CCDC7: variants seen among roughly 807,000 people sequenced by gnomAD.
CCDC7 encodes the protein coiled-coil domain containing 7.
CCDC7 carries 183 observed loss-of-function variants against 196.9 expected under a neutral mutation model. The observed-to-expected ratio is 0.93, with a 90% CI of 0.82 to 1.05. The LOEUF (loss-of-function observed/expected upper bound fraction) is 1.05. CCDC7 is among the 50% of genes least tolerant of loss of function. The probability of loss-of-function intolerance (pLI) is 0.00; values close to 1 mark genes in which losing one functional copy is unlikely to be tolerated. For missense variants in CCDC7, 1,540 were observed against 1,482.2 expected (o/e 1.04, Z -0.64); for synonymous variants, 525 against 484.6 (o/e 1.08, Z -1.10).
At chr10:32,641,073 G>T (rs2066709571) in intron 20 of CCDC7, among the ~76,000 whole-genome samples, 1 of 151,940 alleles carries the variant, frequency 6.6e-6, no homozygotes, top group Non-Finnish European at 1.5e-5. Flanking sequence ...TTTCTGTCTG[G>T]CTGCCCTTAA....
intron 20 of CCDC7, among the ~76,000 whole-genome samples, chr10:32,639,629 G>GTT (rs552548575): frequency 0.083 from 11,027 of 133,180 alleles, 625 homozygotes; most frequent in East Asian, 0.3. Flanking sequence ...TTTCTGTTCT[G>GTT]TTTTTTTTTT....
At chr10:32,630,318 A>ATG (rs2064671627) in intron 18 of CCDC7, among the ~76,000 whole-genome samples, 3 of 150,666 alleles carry the variant, frequency 2.0e-5, no homozygotes, top group Admixed American at 6.6e-5. Context: ...TACCATATAT[A>ATG]TGTGTGTGTG....
In CCDC7 at chr10:32,824,530, G is replaced by A. The variant is rs772981905; in HGVS notation, c.3194G>A (p.Arg1065Gln). The change falls in exon 32 of 42, where the codon CGA becomes CAA. Residue 1065 changes from arginine (R) to glutamine (Q), a missense_variant. Arg to Gln is a conservative substitution (Grantham distance 43). Transcript: ENST00000639629. ...TACTTTTTTATAGAGACTGATGAAC[G>A]ATTGCATAGTACAACTGAGAGAGGT... 11 of 1,606,396 alleles carry A rather than the reference G, an allele frequency of 6.8e-6. No individual in the cohort carries two copies. The Admixed American group carries it at 1.2e-4, about 17-fold the overall frequency.
intron 41 of CCDC7, among the ~76,000 whole-genome samples, chr10:32,865,432 C>CAT (rs59815547): frequency 4.2e-5 from 6 of 142,320 alleles, no homozygotes; most frequent in Non-Finnish European, 9.3e-5. Context: ...CACACACACA[C>CAT]GAGAATGGCT....
chr10:32,614,393 A>G (rs1255705688), intron 18 of CCDC7, among the ~76,000 whole-genome samples: 1 of 151,838 alleles, frequency 6.6e-6, no homozygotes, highest in Non-Finnish European at 1.5e-5. Flanking sequence ...TTGACTCCTT[A>G]TCTAACTTGC....
intron 5 of CCDC7, among the ~76,000 whole-genome samples, chr10:32,467,431 G>A (rs1251438502): frequency 2.0e-5 from 3 of 151,628 alleles, no homozygotes; most frequent in Non-Finnish European, 4.4e-5. Flanking sequence ...GTTTAATGGT[G>A]TTGTTTGTTT....
intron 20 of CCDC7, among the ~76,000 whole-genome samples, chr10:32,643,667 CT>C (rs1178991003): frequency 2.0e-5 from 3 of 151,464 alleles, no homozygotes; most frequent in Non-Finnish European, 2.9e-5. Flanking sequence ...AATGTTTAAA[CT>C]TTTTAAAAAA....
At chr10:32,800,808 T>C (rs1454584775) in intron 29 of CCDC7, among the ~76,000 whole-genome samples, 1 of 152,212 alleles carries the variant, frequency 6.6e-6, no homozygotes, top group Non-Finnish European at 1.5e-5. Flanking sequence ...GGGTCCATGA[T>C]TCTGTCTTTA....
chr10:32,833,211 A>G (rs2092351057), intron 32 of CCDC7, among the ~76,000 whole-genome samples: 1 of 152,112 alleles, frequency 6.6e-6, no homozygotes, highest in Admixed American at 6.6e-5. Context: ...ATCCTTGTAT[A>G]GTTTACTGGA....
chr10:32,522,430 T>G (rs1564539344), intron 11 of CCDC7, among the ~76,000 whole-genome samples: 1 of 152,132 alleles, frequency 6.6e-6, no homozygotes, highest in Non-Finnish European at 1.5e-5. Context: ...ATTTATTTCT[T>G]TTAGATTTTT....
chr10:32,682,605 C>A (rs7092318), intron 21 of CCDC7, among the ~76,000 whole-genome samples: 152 of 152,330 alleles, frequency 1.0e-3, no homozygotes, highest in African/African-American at 3.5e-3. Flanking sequence ...TATTTACATT[C>A]CCATCAGCAA....
At chr10:32,619,910 CTTTT>C (rs56089046) in intron 18 of CCDC7, among the ~76,000 whole-genome samples, 4 of 79,260 alleles carry the variant, frequency 5.0e-5, no homozygotes, top group African/African-American at 2.6e-4. Flanking sequence ...TTCAATGTAC[CTTTT>C]TTTTTTTTTT....
intron 41 of CCDC7, among the ~76,000 whole-genome samples, chr10:32,858,559 C>A (rs1265283360): frequency 6.6e-6 from 1 of 152,078 alleles, no homozygotes; most frequent in South Asian, 2.1e-4. Flanking sequence ...ATATTCACAG[C>A]ATAATCTCAG....
chr10:32,595,510 G>A (rs2060238003), intron 18 of CCDC7, among the ~76,000 whole-genome samples: 1 of 152,024 alleles, frequency 6.6e-6, no homozygotes, highest in Non-Finnish European at 1.5e-5. Context: ...TGGATTCATT[G>A]ATTTTTTGAA....
exon 27 of CCDC7, chr10:32,728,922 G>C (rs1172954151): frequency 1.2e-6 from 2 of 1,608,056 alleles, no homozygotes; most frequent in Non-Finnish European, 1.7e-6. Flanking sequence ...TGTGATTTCT[G>C]TTCATCAAGA....
intron 20 of CCDC7, among the ~76,000 whole-genome samples, chr10:32,636,276 C>T (rs937286893): frequency 3.9e-5 from 6 of 152,004 alleles, no homozygotes; most frequent in South Asian, 4.2e-4. Flanking sequence ...CTGTGCACAA[C>T]GTGCAGGTTT....
chr10:32,836,737 T>G (rs953265155), intron 33 of CCDC7, among the ~76,000 whole-genome samples: 6 of 152,208 alleles, frequency 3.9e-5, no homozygotes, highest in African/African-American at 1.4e-4. Context: ...GTTGTTTTTT[T>G]CTTGTAAATT....
intron 16 of CCDC7, among the ~76,000 whole-genome samples, chr10:32,577,786 C>G (rs988065479): frequency 6.6e-6 from 1 of 152,090 alleles, no homozygotes; most frequent in African/African-American, 2.4e-5. Context: ...CTATATCCCC[C>G]TTTTAATAGA....
intron 13 of CCDC7, among the ~76,000 whole-genome samples, chr10:32,555,748 A>C (rs1239500752): frequency 6.6e-6 from 1 of 152,224 alleles, no homozygotes; most frequent in Non-Finnish European, 1.5e-5. Context: ...AGGTATACCA[A>C]TTAGCTTTTC....
Sources: allele counts gnomAD v4.1 joint callset (sites outside exome capture counted in the v4.1 genomes callset), GRCh38; gene constraint gnomAD v4.1.1; transcripts MANE v1.5; gene names NCBI Gene and HGNC (gene_info 2026-07-23, HGNC 2026-07-21).